The following PRRG4 variants were observed in gnomAD, a reference collection of about 807,000 sequenced individuals.
The protein encoded by PRRG4 is transmembrane gamma-carboxyglutamic acid protein 4.
A neutral mutation model predicts 20.0 loss-of-function variants in PRRG4; 12 were observed. The ratio of observed to expected loss-of-function variants is 0.60; its 90% confidence interval spans 0.38 to 0.97. The LOEUF (loss-of-function observed/expected upper bound fraction) is 0.97. Ranked by LOEUF, PRRG4 falls within the 50% of genes least tolerant of loss-of-function variation. PRRG4 has a pLI of 0.00. For missense variants in PRRG4, 199 were observed against 265.1 expected, an observed-to-expected ratio of 0.75 and a Z score of 1.73; for synonymous variants, 94 against 96.4, an observed-to-expected ratio of 0.98 and a Z score of 0.15.
At chr11:32,832,026 A>G (rs929938045) in intron 2 of PRRG4, among the ~76,000 whole-genome samples, 4 of 152,130 alleles carry the variant, frequency 2.6e-5, no homozygotes, top group Non-Finnish European at 4.4e-5. Flanking sequence ...AAATAAATAA[A>G]TAAAAGACAG....
At chr11:32,846,565 A>G (rs902532083) in intron 5 of PRRG4, among the ~76,000 whole-genome samples, 2 of 149,712 alleles carry the variant, frequency 1.3e-5, no homozygotes, top group Non-Finnish European at 3.0e-5. Context: ...TGGTTTTCTT[A>G]AGTAATGTGT....
At chr11:32,843,354 C>A (rs540868949) in intron 5 of PRRG4, among the ~76,000 whole-genome samples, 1 of 151,950 alleles carries the variant, frequency 6.6e-6, no homozygotes, top group South Asian at 2.1e-4. Flanking sequence ...AAATGAAAGT[C>A]CTCATAATCC....
Position 32,856,011 on chromosome 11 carries a change from A to G in PRRG4, c.*2484A>G, listed in dbSNP as rs1200491514. ...ATTATGAAATTCAGGGATCTTGTAC[A>G]TAATTCTAAGTTTGGGACAGAAATT... On this transcript the variant is annotated 3_prime_UTR_variant, in exon 6 of 6. Coordinates refer to ENST00000257836, the MANE Select transcript of PRRG4 (RefSeq NM_024081.6). 1 of 152,222 alleles carries G rather than the reference A, an allele frequency of 6.6e-6. No individual in the cohort carries two copies. Among genetic ancestry groups the G allele is most frequent in the Non-Finnish European group, 1.5e-5 (1 of 68,036 alleles). 9.4% of individuals were successfully genotyped at this position (152,222 alleles called of 1,614,324 possible). A position where few individuals can be genotyped will look rare whatever the true frequency, so the allele number is the denominator to read the frequency against.
intron 5 of PRRG4, among the ~76,000 whole-genome samples, chr11:32,849,806 T>C (rs1278984825): frequency 6.6e-6 from 1 of 152,258 alleles, no homozygotes; most frequent in Non-Finnish European, 1.5e-5. Context: ...ATGGTCATTC[T>C]AGCCCCATGC....
rs551715735 is a variant in PRRG4, at chr11:32,830,346, C to G, written c.-22-162C>G. ...CGTTTGTCCCAGGCGCTCTCAGGGG[C>G]TGCTTCCTGGGCGCGCGTCGGGTTC... On this transcript the variant is annotated intron_variant, in intron 1 of 5. Transcript: ENST00000257836. 2.0e-4 allele frequency among the ~76,000 whole-genome samples: 31 copies of G among 152,346 alleles called. No individual in the cohort carries two copies. The East Asian group carries it at 5.4e-3, about 27-fold the overall frequency.
chr11:32,830,411 G>T, intron 1 of PRRG4, 97 bp from the exon 2 acceptor site: 1 of 1,055,310 alleles, frequency 9.5e-7, no homozygotes, highest in Non-Finnish European at 1.3e-6. Flanking sequence ...TTGCGCCTAG[G>T]CTTTGAGTAC....
intron 5 of PRRG4, among the ~76,000 whole-genome samples, chr11:32,845,957 T>A (rs955986703): frequency 1.3e-5 from 2 of 151,610 alleles, no homozygotes; most frequent in Admixed American, 6.6e-5. Flanking sequence ...GAGTTTGAGA[T>A]CAGCCTGGGC....
intron 5 of PRRG4, among the ~76,000 whole-genome samples, chr11:32,842,492 G>A (rs990486220): frequency 1.7e-4 from 26 of 152,176 alleles, no homozygotes; most frequent in Admixed American, 1.0e-3. Context: ...AGGCCAAGCC[G>A]GGCAGATCAC....
intron 2 of PRRG4, among the ~76,000 whole-genome samples, chr11:32,834,316 G>C (rs1851000759): frequency 6.6e-6 from 1 of 152,178 alleles, no homozygotes; most frequent in Non-Finnish European, 1.5e-5. Context: ...AGGGGTGATG[G>C]AGGCTTGGAA....
upstream of PRRG4, chr11:32,829,907 G>T (rs549023873): frequency 2.1e-4 from 203 of 985,594 alleles, 1 homozygote; most frequent in African/African-American, 3.4e-3. Context: ...GGTGTCCCCA[G>T]GTAGCCGCCT....
chr11:32,847,824 C>T (rs376672003), intron 5 of PRRG4, among the ~76,000 whole-genome samples: 34 of 152,242 alleles, frequency 2.2e-4, no homozygotes, highest in African/African-American at 5.1e-4. Flanking sequence ...AGTTCTGATA[C>T]GTGCTACAAT....
In PRRG4 at chr11:32,854,283, C is replaced by A. The variant is rs1378577773; in HGVS notation, c.*756C>A. 6.6e-6 allele frequency: 1 copy of A among 152,198 alleles called. No individual in the cohort carries two copies. Among genetic ancestry groups the A allele is most frequent in the Non-Finnish European group, 1.5e-5 (1 of 68,050 alleles). The allele number at this position is 152,198 out of a possible 1,614,324, so 9.4% of individuals were successfully genotyped here. A position where few individuals can be genotyped will look rare whatever the true frequency, so the allele number is the denominator to read the frequency against. Reference sequence around the variant, plus strand: ...AGATTATCCAAAGTCAGGCTGGGCGCAGTGGCTCACGCCTGTAATCCCAGC... The same window carrying A: ...AGATTATCCAAAGTCAGGCTGGGCGAAGTGGCTCACGCCTGTAATCCCAGC... On this transcript the variant is annotated 3_prime_UTR_variant, in exon 6 of 6. Coordinates refer to ENST00000257836, the MANE Select transcript of PRRG4 (RefSeq NM_024081.6).
intron 4 of PRRG4, 39 bp downstream of exon 4, chr11:32,838,969 C>T (rs757080352): frequency 7.0e-7 from 1 of 1,435,118 alleles, no homozygotes; most frequent in Non-Finnish European, 9.8e-7. Context: ...CTTTTCTCAT[C>T]CTCTCTCTGT....
chr11:32,852,572 A>G (rs942080284), intron 5 of PRRG4, among the ~76,000 whole-genome samples: 2 of 152,112 alleles, frequency 1.3e-5, no homozygotes, highest in Non-Finnish European at 2.9e-5. Context: ...TCCAGGAGTA[A>G]GAGAAAAGGG....
intron 5 of PRRG4, among the ~76,000 whole-genome samples, chr11:32,852,100 A>G (rs1477159394): frequency 6.6e-6 from 1 of 152,174 alleles, no homozygotes; most frequent in Non-Finnish European, 1.5e-5. Flanking sequence ...ACTAAGCCAT[A>G]TATTTTTTTT....
intron 2 of PRRG4, among the ~76,000 whole-genome samples, chr11:32,833,263 A>G (rs1025953789): frequency 6.6e-6 from 1 of 152,222 alleles, no homozygotes; most frequent in Non-Finnish European, 1.5e-5. Flanking sequence ...ATACAGTGTT[A>G]ATCATAATAG....
Position 32,829,966 on chromosome 11 carries a change from C to T in PRRG4, c.-230C>T. On this transcript the variant is annotated 5_prime_UTR_variant, in exon 1 of 6. Transcript: ENST00000257836. ...TCCCCGGACCGAGGCAGGACCTCAC[C>T]CCGCGCGTGTTCCCCGGGCGCCCCT... is the stretch of plus-strand genomic sequence containing the variant. The T allele has an allele frequency of 1.0e-6, 1 of 985,584 alleles. No individual in the cohort carries two copies. The highest frequency in any genetic ancestry group is 4.7e-5 in the South Asian group (1 of 21,290). 61.1% of individuals were successfully genotyped at this position (985,584 alleles called of 1,614,324 possible).
Position 32,830,147 on chromosome 11 carries a change from T to C in PRRG4, c.-49T>C. The C allele has an allele frequency of 7.9e-6, 8 of 1,009,912 alleles. No homozygotes were observed. Among genetic ancestry groups the C allele is most frequent in the Non-Finnish European group, 9.4e-6 (8 of 846,666 alleles). 62.6% of individuals were successfully genotyped at this position (1,009,912 alleles called of 1,614,324 possible). ...CAAGAAGAGCCTCTGGCCCGGGGGC[T>C]GCTGGAACATGTGCGGGGGGACACA... On this transcript the variant is annotated 5_prime_UTR_variant, in exon 1 of 6. Coordinates refer to ENST00000257836, the MANE Select transcript of PRRG4 (RefSeq NM_024081.6).
intron 5 of PRRG4, among the ~76,000 whole-genome samples, chr11:32,850,004 A>T (rs932688238): frequency 6.6e-6 from 1 of 152,256 alleles, no homozygotes. Context: ...AGGACTTTTC[A>T]CTAAGATTTT....
Sources: gnomAD v4.1 joint callset for allele counts (sites outside exome capture counted in the v4.1 genomes callset) on GRCh38, gnomAD v4.1.1 for gene constraint, MANE v1.5 for transcripts, NCBI Gene and HGNC (gene_info 2026-07-23, HGNC 2026-07-21) for gene names.